CLEC2B: variants seen among roughly 807,000 people sequenced by gnomAD.
CLEC2B encodes the protein C-type lectin domain family 2 member B.
Under a neutral mutation model 16.2 loss-of-function variants are expected in CLEC2B, and 14 were observed. The ratio of observed to expected loss-of-function variants is 0.86; its 90% confidence interval spans 0.57 to 1.35. CLEC2B has a LOEUF of 1.35. CLEC2B is among the 40% of genes most tolerant of loss of function. The pLI is 0.00. For missense variants in CLEC2B, 166 were observed against 182.3 expected (o/e 0.91, Z 0.52); for synonymous variants, 42 against 55.8 (o/e 0.75, Z 1.10).
chr12:9,869,183 A>G (rs1293677239), intron 1 of CLEC2B, 22 bp downstream of exon 1: 1 of 152,170 alleles, frequency 6.6e-6, no homozygotes, highest in Non-Finnish European at 1.5e-5. Context: ...CGGTCATTCT[A>G]AACAAACAAA....
chr12:9,868,983 G>C (rs1353618759), intron 1 of CLEC2B, among the ~76,000 whole-genome samples: 2 of 152,124 alleles, frequency 1.3e-5, no homozygotes, highest in Non-Finnish European at 2.9e-5. Context: ...GCAGTTTTAA[G>C]TCATGGTTAA....
intron 1 of CLEC2B, among the ~76,000 whole-genome samples, chr12:9,865,556 G>A (rs767570682): frequency 1.7e-4 from 26 of 152,160 alleles, no homozygotes; most frequent in South Asian, 2.1e-4. Context: ...AGACTGCAAT[G>A]CAATAATATT....
At chr12:9,867,369 T>C (rs986889609) in intron 1 of CLEC2B, 1 of 152,214 alleles carries the variant, frequency 6.6e-6, no homozygotes, top group Non-Finnish European at 1.5e-5. Flanking sequence ...TGTCTGAATA[T>C]GTAGGTACAA....
At chr12:9,867,804 C>T (rs898147083) in intron 1 of CLEC2B, among the ~76,000 whole-genome samples, 2 of 152,018 alleles carry the variant, frequency 1.3e-5, no homozygotes, top group African/African-American at 4.8e-5. Flanking sequence ...TTAAGGACTG[C>T]AATTGTTTTC....
Position 9,853,200 on chromosome 12 carries a change from C to G in CLEC2B, c.*100G>C. ...TGACACGTAAGCAGAATTAACCAGA[C>G]AGGTACAAAACTCGAACTTTGTTTA... On this transcript the variant is annotated 3_prime_UTR_variant, in exon 5 of 5. Transcript: ENST00000228438. 1 of 901,556 alleles carries G rather than the reference C, an allele frequency of 1.1e-6. No individual in the cohort carries two copies. The highest frequency in any genetic ancestry group is 1.7e-6 in the Non-Finnish European group (1 of 572,286). 55.8% of individuals were successfully genotyped at this position (901,556 alleles called of 1,614,324 possible). A position where few individuals can be genotyped will look rare whatever the true frequency, so the allele number is the denominator to read the frequency against.
At chr12:9,855,722 A>G (rs1251391153) in intron 3 of CLEC2B, among the ~76,000 whole-genome samples, 1 of 152,038 alleles carries the variant, frequency 6.6e-6, no homozygotes, top group East Asian at 1.9e-4. Context: ...TCTATGAAAA[A>G]TGTTAACATT....
chr12:9,855,042 T>C (rs1328920843), intron 3 of CLEC2B, among the ~76,000 whole-genome samples: 1 of 152,180 alleles, frequency 6.6e-6, no homozygotes, highest in Non-Finnish European at 1.5e-5. Context: ...CAATGCTTTT[T>C]TTCCTGACAT....
In CLEC2B at chr12:9,858,718, A is replaced by T. The variant is rs138137329; in HGVS notation, c.74-1081T>A. Among the ~76,000 whole-genome samples, 67 of 152,052 alleles carry T rather than the reference A, an allele frequency of 4.4e-4. 1 individual carries two copies. Among genetic ancestry groups the T allele is most frequent in the African/African-American group, 1.5e-3 (62 of 41,524 alleles). On this transcript the variant is annotated intron_variant, in intron 2 of 4. Transcript: ENST00000228438. Reference sequence around the variant, plus strand: ...TATATATGTATATAGGTATGTGTACATATAAGGGTGTATATATACATATAC... The same window carrying T: ...TATATATGTATATAGGTATGTGTACTTATAAGGGTGTATATATACATATAC...
chr12:9,868,890 T>C (rs1320585444), intron 1 of CLEC2B, among the ~76,000 whole-genome samples: 1 of 152,132 alleles, frequency 6.6e-6, no homozygotes, highest in Non-Finnish European at 1.5e-5. Context: ...TTCTGAGAAC[T>C]GTATGAGTAT....
At chr12:9,860,846 G>A (rs541056699) in intron 2 of CLEC2B, among the ~76,000 whole-genome samples, 24 of 151,934 alleles carry the variant, frequency 1.6e-4, no homozygotes, top group Admixed American at 5.2e-4. Flanking sequence ...ACCAACTGCA[G>A]TTGAGTAGGG....
At chr12:9,862,089 A>T (rs1591769647) in intron 2 of CLEC2B, among the ~76,000 whole-genome samples, 1 of 152,274 alleles carries the variant, frequency 6.6e-6, no homozygotes, top group East Asian at 1.9e-4. Context: ...ATGTTGAATA[A>T]AAGGGAAAAG....
Position 9,853,408 on chromosome 12 carries a change from C to T in CLEC2B, c.342G>A (p.Ser114=), listed in dbSNP as rs1213501363. 1 of 1,612,018 alleles carries T rather than the reference C, an allele frequency of 6.2e-7. No homozygotes were observed. Among genetic ancestry groups the T allele is most frequent in the Non-Finnish European group, 8.5e-7 (1 of 1,178,136 alleles). The stretch of plus-strand genomic sequence containing the variant: ...ATCCTTCACTCCCTCTCATGCCAAA[C>T]CTGCAACAAAGGGATTAACCATTAT... ...QWVDGATFTK[S]FGMRGSEGCA... Residue 114 remains serine (S), a splice_region_variant and synonymous_variant, in exon 5 of 5, where the codon TCG becomes TCA. Transcript: ENST00000228438.
rs759086789 is a variant in CLEC2B, at chr12:9,853,369, G to A, written c.381C>T (p.Ser127=). 1.7e-5 allele frequency: 27 copies of A among 1,613,698 alleles called. No individual in the cohort carries two copies. The highest frequency in any genetic ancestry group is 2.7e-5 in the African/African-American group (2 of 74,848). ...MRGSEGCAYL[S]DDGAATARCY... ...ATCTAGCTGTTGCTGCACCATCATCGCTGAGGTAGGCACATCCTTCACTCC... is the reference window on the plus strand; with the variant it reads ...ATCTAGCTGTTGCTGCACCATCATCACTGAGGTAGGCACATCCTTCACTCC... Residue 127 remains serine, a synonymous_variant, in exon 5 of 5, where the codon AGC becomes AGT. Transcript: ENST00000228438.
In CLEC2B at chr12:9,856,049, C is replaced by T. The variant is rs187978524; in HGVS notation, c.237+1425G>A. 5.9e-3 allele frequency among the ~76,000 whole-genome samples: 904 copies of T among 152,002 alleles called. 5 individuals carry two copies. The highest frequency in any genetic ancestry group is 0.01 in the Non-Finnish European group (699 of 67,918). ...TTATGATCAGTATTTTTTCTTCATCCAAACAGTACAAGCATTCTTCCCTGA... is the reference window on the plus strand; with the variant it reads ...TTATGATCAGTATTTTTTCTTCATCTAAACAGTACAAGCATTCTTCCCTGA... On this transcript the variant is annotated intron_variant, in intron 3 of 4. Coordinates refer to ENST00000228438, the MANE Select transcript of CLEC2B (RefSeq NM_005127.3).
At chr12:9,866,241 C>T (rs1351721450) in intron 1 of CLEC2B, among the ~76,000 whole-genome samples, 4 of 151,966 alleles carry the variant, frequency 2.6e-5, no homozygotes, top group Admixed American at 6.6e-5. Context: ...CCTCAGGTAT[C>T]GAAAAGACAG....
At chr12:9,866,628 C>T (rs1163435176) in intron 1 of CLEC2B, among the ~76,000 whole-genome samples, 2 of 151,996 alleles carry the variant, frequency 1.3e-5, no homozygotes, top group Non-Finnish European at 2.9e-5. Flanking sequence ...AGATTATTTA[C>T]ATTTGCAGCA....
intron 1 of CLEC2B, 60 bp from the exon 2 acceptor site, chr12:9,862,633 G>A: frequency 7.6e-7 from 1 of 1,322,446 alleles, no homozygotes; most frequent in Non-Finnish European, 9.8e-7. Context: ...TGGCATAAAA[G>A]TAAGTTGGCT....
intron 1 of CLEC2B, among the ~76,000 whole-genome samples, chr12:9,864,371 C>T (rs1867955360): frequency 6.6e-6 from 1 of 152,194 alleles, no homozygotes; most frequent in Admixed American, 6.5e-5. Flanking sequence ...CTAAAATACA[C>T]TGATAAAATT....
At position 9,853,366 on chromosome 12, in the gene CLEC2B, A is replaced by G. The variant is rs1387172144; in HGVS notation, c.384T>C (p.Asp128=). 6.8e-6 allele frequency: 11 copies of G among 1,613,988 alleles called. No individual in the cohort carries two copies. Among genetic ancestry groups the G allele is most frequent in the African/African-American group, 4.0e-5 (3 of 74,918 alleles). Residue 128 remains aspartate, a synonymous_variant, in exon 5 of 5, where the codon GAT becomes GAC. Transcript: ENST00000228438. The part of the protein sequence containing the change: ...RGSEGCAYLS[D]DGAATARCYT... ...AACATCTAGCTGTTGCTGCACCATC[A>G]TCGCTGAGGTAGGCACATCCTTCAC...
Sources: allele counts gnomAD v4.1 joint callset (sites outside exome capture counted in the v4.1 genomes callset), GRCh38; gene constraint gnomAD v4.1.1; transcripts MANE v1.5; gene names NCBI Gene and HGNC (gene_info 2026-07-23, HGNC 2026-07-21).